TRAF3: variants seen among roughly 807,000 people sequenced by gnomAD.
TRAF3 encodes TNF receptor-associated factor 3.
TRAF3 carries 13 observed loss-of-function variants against 62.3 expected under a neutral mutation model. The observed-to-expected ratio is 0.21, with a 90% CI of 0.14 to 0.33. The LOEUF is 0.33. TRAF3 is among the 10% of genes least tolerant of loss of function. TRAF3 has a pLI of 1.00. For synonymous variants in TRAF3, 269 were observed against 283.4 expected, an observed-to-expected ratio of 0.95 and a Z score of 0.51; for missense variants, 440 against 741.8, an observed-to-expected ratio of 0.59 and a Z score of 4.73.
intron 1 of TRAF3, among the ~76,000 whole-genome samples, chr14:102,795,845 G>C (rs1292352554): frequency 2.6e-5 from 4 of 152,098 alleles, no homozygotes; most frequent in Admixed American, 6.5e-5. Flanking sequence ...GGCCTTGCTG[G>C]GTTTAGATCA....
At chr14:102,883,833 G>T (rs1889208359) in intron 6 of TRAF3, among the ~76,000 whole-genome samples, 1 of 152,188 alleles carries the variant, frequency 6.6e-6, no homozygotes, top group African/African-American at 2.4e-5. Context: ...TAATCCGCCT[G>T]TCTCGGCCTC....
At chr14:102,901,322 C>T (rs190548443) in intron 10 of TRAF3, among the ~76,000 whole-genome samples, 1 of 152,278 alleles carries the variant, frequency 6.6e-6, no homozygotes, top group Non-Finnish European at 1.5e-5. Flanking sequence ...CTTGGGCCAC[C>T]CTGCCTGGGA....
In TRAF3 at chr14:102,812,375, G is replaced by A. The variant is rs545021712; in HGVS notation, c.-156-17959G>A. Among the ~76,000 whole-genome samples, 7 of 152,244 alleles carry A rather than the reference G, an allele frequency of 4.6e-5. No individual in the cohort carries two copies. In the South Asian group the frequency reaches 1.5e-3, roughly 32 times the overall value. ...GCTAAATAGTAGTCCATTTTGTATA[G>A]ATACCACATTTTCTTCATCTGTTGT... On this transcript the variant is annotated intron_variant, in intron 1 of 11. Transcript: ENST00000392745.
intron 1 of TRAF3, among the ~76,000 whole-genome samples, chr14:102,788,679 T>G (rs1185171102): frequency 6.6e-6 from 1 of 152,174 alleles, no homozygotes; most frequent in African/African-American, 2.4e-5. Context: ...ATGCCTCTAG[T>G]CCCAGCTACT....
At chr14:102,842,167 C>T (rs578008921) in intron 2 of TRAF3, among the ~76,000 whole-genome samples, 1 of 151,672 alleles carries the variant, frequency 6.6e-6, no homozygotes, top group South Asian at 2.1e-4. Flanking sequence ...TCACTTGAAC[C>T]CGGGAGGTGG....
chr14:102,794,847 T>C (rs1446309931), intron 1 of TRAF3, among the ~76,000 whole-genome samples: 2 of 152,224 alleles, frequency 1.3e-5, no homozygotes, highest in Non-Finnish European at 2.9e-5. Flanking sequence ...CTATAAAATG[T>C]ATGTCTTATC....
chr14:102,789,723 T>G (rs1897698707), intron 1 of TRAF3, among the ~76,000 whole-genome samples: 1 of 152,140 alleles, frequency 6.6e-6, no homozygotes, highest in East Asian at 1.9e-4. Context: ...GCAAAGATAT[T>G]GAATGTCTTT....
chr14:102,791,083 A>G (rs1208950450), intron 1 of TRAF3, among the ~76,000 whole-genome samples: 2 of 148,638 alleles, frequency 1.3e-5, no homozygotes, highest in African/African-American at 5.0e-5. Context: ...GTAGTGGCAC[A>G]GTCTCGGCTC....
chr14:102,837,141 TG>T (rs61695537), intron 2 of TRAF3, among the ~76,000 whole-genome samples: 221 of 114,778 alleles, frequency 1.9e-3, no homozygotes, highest in African/African-American at 6.2e-3. Flanking sequence ...TGTGTGTGTG[TG>T]TTTTTTTTGG....
chr14:102,855,721 G>A (rs769975508), intron 2 of TRAF3, among the ~76,000 whole-genome samples: 29 of 151,412 alleles, frequency 1.9e-4, no homozygotes, highest in Non-Finnish European at 4.3e-4. Flanking sequence ...ACTTGAGCCT[G>A]AGGGATGGAG....
At chr14:102,859,845 C>G (rs1887581098) in intron 2 of TRAF3, among the ~76,000 whole-genome samples, 2 of 152,082 alleles carry the variant, frequency 1.3e-5, no homozygotes, top group South Asian at 4.1e-4. Flanking sequence ...ATGGTGGAGC[C>G]CTGGAGGAAC....
chr14:102,851,621 G>A (rs140499902), intron 2 of TRAF3, among the ~76,000 whole-genome samples: 1 of 152,354 alleles, frequency 6.6e-6, no homozygotes, highest in East Asian at 1.9e-4. Context: ...GCGGGCACCT[G>A]TAGTCCCAGC....
chr14:102,789,341 G>A lies in TRAF3; in HGVS notation c.-157+11666G>A, dbSNP rs540008120. On this transcript the variant is annotated intron_variant, in intron 1 of 11. Transcript: ENST00000392745. ...TAAACATTTGTGTACAAGTTTCTGT[G>A]TAGGTATGTTTTTATTTCACTTGGG... Among the ~76,000 whole-genome samples the A allele has an allele frequency of 7.2e-5, 11 of 152,324 alleles. No homozygotes were observed. The East Asian group carries it at 1.9e-3, about 27-fold the overall frequency.
chr14:102,841,292 G>A lies in TRAF3; in HGVS notation c.-18+10820G>A, dbSNP rs932441251. ...ATCTGCAGAAGGGCCCCCTTGAGGC[G>A]TTGGCTGCATCCTGGTCTGCACGTG... On this transcript the variant is annotated intron_variant, in intron 2 of 11. Coordinates refer to ENST00000392745, the MANE Select transcript of TRAF3 (RefSeq NM_145725.3). Among the ~76,000 whole-genome samples, 12 of 152,314 alleles carry A rather than the reference G, an allele frequency of 7.9e-5. No individual in the cohort carries two copies. In the South Asian group the frequency reaches 1.9e-3, roughly 24 times the overall value.
At position 102,883,774 on chromosome 14, in the gene TRAF3, C is replaced by T. The variant is rs1889203957; in HGVS notation, c.571-2415C>T. ...CTGATTTTTATATTTTCAGTAGCGA[C>T]GGGGTTTCACCATGTTGGCCAGGCT... On this transcript the variant is annotated intron_variant, in intron 6 of 11. Transcript: ENST00000392745. Among the ~76,000 whole-genome samples the T allele has an allele frequency of 2.0e-5, 3 of 152,092 alleles. No homozygotes were observed. In the South Asian group the frequency reaches 6.2e-4, roughly 32 times the overall value.
At chr14:102,888,158 A>G (rs774365382) in intron 7 of TRAF3, among the ~76,000 whole-genome samples, 1 of 152,214 alleles carries the variant, frequency 6.6e-6, no homozygotes, top group African/African-American at 2.4e-5. Flanking sequence ...CAGGTTTGTT[A>G]TTGCAGTAAT....
chr14:102,908,478 T>A lies in TRAF3; in HGVS notation c.*2694T>A, dbSNP rs1446940811. 2.0e-5 allele frequency: 3 copies of A among 152,284 alleles called. No homozygotes were observed. The highest frequency in any genetic ancestry group is 7.3e-5 in the African/African-American group (3 of 41,360). 9.4% of individuals were successfully genotyped at this position (152,284 alleles called of 1,614,324 possible). A position where few individuals can be genotyped will look rare whatever the true frequency, so the allele number is the denominator to read the frequency against. On this transcript the variant is annotated 3_prime_UTR_variant, in exon 12 of 12. Transcript: ENST00000392745. ...TCCCGGCGGCGGGCAAGCCTTGCGC[T>A]GCTCCACCCTCGGCCTGGGCACCCT...
chr14:102,898,574 T>C (rs1890118836), intron 10 of TRAF3, among the ~76,000 whole-genome samples: 1 of 152,208 alleles, frequency 6.6e-6, no homozygotes, highest in Admixed American at 6.5e-5. Context: ...TGTTTTGACC[T>C]GGGGCTCAGA....
chr14:102,820,591 TATATATATATATATATA>T (rs1899854602), intron 1 of TRAF3, among the ~76,000 whole-genome samples: 5 of 7,006 alleles, frequency 7.1e-4, no homozygotes, highest in Non-Finnish European at 1.3e-3. Context: ...TATATATATA[TATATATATATATATATA>T]TATATATTTT....
Sources: gnomAD v4.1 joint callset for allele counts (sites outside exome capture counted in the v4.1 genomes callset) on GRCh38, gnomAD v4.1.1 for gene constraint, MANE v1.5 for transcripts, NCBI Gene and HGNC (gene_info 2026-07-23, HGNC 2026-07-21) for gene names.